Variants in MGAT4C observed in about 807,000 individuals in gnomAD.
MGAT4C encodes the protein MGAT4 family member C.
MGAT4C carries 19 observed loss-of-function variants against 40.1 expected under a neutral mutation model. The observed-to-expected ratio is 0.47, with a 90% CI of 0.33 to 0.70. MGAT4C has a LOEUF of 0.70. Among genes scored for constraint, MGAT4C ranks in the 30% least tolerant of loss-of-function variants. The probability of loss-of-function intolerance (pLI) is 0.02; values close to 1 mark genes in which losing one functional copy is unlikely to be tolerated. For missense variants in MGAT4C, 491 were observed against 563.2 expected, an observed-to-expected ratio of 0.87 and a Z score of 1.30; for synonymous variants, 181 against 187.1, an observed-to-expected ratio of 0.97 and a Z score of 0.27.
chr12:86,383,824 G>A (rs1956000986), intron 3 of MGAT4C, among the ~76,000 whole-genome samples: 2 of 152,126 alleles, frequency 1.3e-5, no homozygotes, highest in Admixed American at 1.3e-4. Context: ...AGACTTTTGG[G>A]GGATTGTTGG....
At chr12:86,153,535 A>G (rs1042193562) in intron 1 of MGAT4C, among the ~76,000 whole-genome samples, 1 of 152,104 alleles carries the variant, frequency 6.6e-6, no homozygotes, top group Non-Finnish European at 1.5e-5. Flanking sequence ...TCCCACCCAA[A>G]TCTTATCTCT....
chr12:86,469,405 A>T (rs1030482643), intron 2 of MGAT4C, among the ~76,000 whole-genome samples: 5 of 151,810 alleles, frequency 3.3e-5, no homozygotes, highest in African/African-American at 1.2e-4. Flanking sequence ...TTTTGCCAGC[A>T]CTCTCTCTTG....
intron 1 of MGAT4C, among the ~76,000 whole-genome samples, chr12:86,216,101 A>G (rs1950661423): frequency 6.6e-6 from 1 of 152,178 alleles, no homozygotes; most frequent in Non-Finnish European, 1.5e-5. Flanking sequence ...TTTCTGGGAT[A>G]CTGGCTAACT....
chr12:86,216,003 C>T (rs761079878), intron 1 of MGAT4C, among the ~76,000 whole-genome samples: 39 of 152,106 alleles, frequency 2.6e-4, no homozygotes, highest in Non-Finnish European at 4.6e-4. Context: ...ATAACTGGAT[C>T]GAATCCAGAA....
chr12:86,574,068 A>G (rs1960469468), intron 2 of MGAT4C, among the ~76,000 whole-genome samples: 1 of 151,834 alleles, frequency 6.6e-6, no homozygotes, highest in Non-Finnish European at 1.5e-5. Context: ...TTTCCTAAAA[A>G]AAAACCTGTA....
chr12:86,479,233 A>T (rs1001776360), intron 2 of MGAT4C, among the ~76,000 whole-genome samples: 1 of 152,084 alleles, frequency 6.6e-6, no homozygotes, highest in Non-Finnish European at 1.5e-5. Context: ...TTAAAAGTTT[A>T]CAAAGAGGAG....
intron 2 of MGAT4C, among the ~76,000 whole-genome samples, chr12:86,537,954 G>C (rs1332626726): frequency 6.6e-6 from 1 of 152,108 alleles, no homozygotes; most frequent in African/African-American, 2.4e-5. Context: ...AGGCGTGGTG[G>C]TGGGCGCCTG....
chr12:86,064,110 C>T (rs1319655128), intron 1 of MGAT4C, among the ~76,000 whole-genome samples: 1 of 152,202 alleles, frequency 6.6e-6, no homozygotes, highest in African/African-American at 2.4e-5. Flanking sequence ...CTTCTCTGCA[C>T]CTCATCACAC....
chr12:86,260,442 T>C (rs1164431281), upstream of MGAT4C, among the ~76,000 whole-genome samples: 1 of 152,166 alleles, frequency 6.6e-6, no homozygotes. Flanking sequence ...TAGGCAGAAA[T>C]AGCCAGAAGC....
Position 86,405,022 on chromosome 12 carries a change from G to A in MGAT4C, c.-120+30135C>T, listed in dbSNP as rs528173286. On this transcript the variant is annotated intron_variant, in intron 3 of 7. Transcript: ENST00000548651. ...ATATTCCATCTCTCAATCTTTAAAG[G>A]GGTGAAATTACATAAAAGAAACAAG... Among the ~76,000 whole-genome samples the A allele has an allele frequency of 8.9e-4, 135 of 151,934 alleles. 1 individual carries two copies. The highest frequency in any genetic ancestry group is 3.2e-3 in the African/African-American group (133 of 41,486).
At chr12:86,159,773 C>T (rs1335050221) in intron 1 of MGAT4C, among the ~76,000 whole-genome samples, 1 of 151,914 alleles carries the variant, frequency 6.6e-6, no homozygotes, top group African/African-American at 2.4e-5. Flanking sequence ...TGTGTGCTTC[C>T]AGGAATTTAC....
At chr12:86,664,666 A>G (rs751108536) in intron 2 of MGAT4C, among the ~76,000 whole-genome samples, 80 of 152,052 alleles carry the variant, frequency 5.3e-4, no homozygotes, top group Non-Finnish European at 9.0e-4. Flanking sequence ...TAAAGAGACA[A>G]AAAAAAGGTG....
chr12:86,450,049 G>A (rs1402436093), intron 2 of MGAT4C, among the ~76,000 whole-genome samples: 1 of 152,000 alleles, frequency 6.6e-6, no homozygotes, highest in East Asian at 1.9e-4. Flanking sequence ...AAAAAGTATT[G>A]TGTTGCTTTG....
At chr12:86,368,142 C>T (rs1443753985) in intron 3 of MGAT4C, among the ~76,000 whole-genome samples, 1 of 151,608 alleles carries the variant, frequency 6.6e-6, no homozygotes, top group Non-Finnish European at 1.5e-5. Context: ...TAGGAAAATA[C>T]TTAAAATATC....
chr12:86,038,810 C>A (rs1277563639), intron 2 of MGAT4C, among the ~76,000 whole-genome samples: 1 of 149,756 alleles, frequency 6.7e-6, no homozygotes, highest in East Asian at 1.9e-4. Flanking sequence ...TTAGTTGATA[C>A]AGTTTCTTCA....
At chr12:86,736,507 C>G (rs1950987793) in intron 1 of MGAT4C, among the ~76,000 whole-genome samples, 1 of 151,644 alleles carries the variant, frequency 6.6e-6, no homozygotes, top group Non-Finnish European at 1.5e-5. Flanking sequence ...AACTAAATCA[C>G]CCCAACAATG....
chr12:86,796,583 A>G (rs1952125567), intron 1 of MGAT4C, among the ~76,000 whole-genome samples: 1 of 151,982 alleles, frequency 6.6e-6, no homozygotes, highest in Non-Finnish European at 1.5e-5. Context: ...TTTCAGTTAC[A>G]TAGAAGGAAG....
chr12:86,045,389 G>A (rs1892295003), intron 2 of MGAT4C, among the ~76,000 whole-genome samples: 1 of 152,106 alleles, frequency 6.6e-6, no homozygotes, highest in Non-Finnish European at 1.5e-5. Context: ...GCTGAACCAT[G>A]TCACTCATAT....
intron 3 of MGAT4C, among the ~76,000 whole-genome samples, chr12:86,426,493 T>G (rs1407512560): frequency 1.3e-5 from 2 of 152,106 alleles, no homozygotes; most frequent in African/African-American, 4.8e-5. Flanking sequence ...CATATACAAA[T>G]AAGGAAACAA....
Sources: allele counts gnomAD v4.1 joint callset (sites outside exome capture counted in the v4.1 genomes callset), GRCh38; gene constraint gnomAD v4.1.1; transcripts MANE v1.5; gene names NCBI Gene and HGNC (gene_info 2026-07-23, HGNC 2026-07-21).